The following FRK variants were observed in gnomAD, a reference collection of about 807,000 sequenced individuals.
FRK encodes tyrosine-protein kinase FRK.
A neutral mutation model predicts 56.4 loss-of-function variants in FRK; 51 were observed. The ratio of observed to expected loss-of-function variants is 0.90; its 90% CI spans 0.72 to 1.14. The LOEUF (loss-of-function observed/expected upper bound fraction) is 1.14, where lower values mean the gene tolerates loss of function less well. Ranked by LOEUF, FRK falls within the 50% of genes most tolerant of loss-of-function variation. The pLI is 0.00. For missense variants in FRK, 570 were observed against 601.4 expected (o/e 0.95, Z 0.55); for synonymous variants, 245 against 217.9 (o/e 1.12, Z -1.10).
chr6:115,951,962 T>C (rs1772772414), intron 5 of FRK, among the ~76,000 whole-genome samples: 1 of 152,206 alleles, frequency 6.6e-6, no homozygotes, highest in African/African-American at 2.4e-5. Flanking sequence ...TCAAGGTTTT[T>C]TGGCTGCATA....
chr6:115,943,402 A>G (rs893022961), intron 6 of FRK, among the ~76,000 whole-genome samples: 1 of 151,048 alleles, frequency 6.6e-6, no homozygotes, highest in Non-Finnish European at 1.5e-5. Context: ...AGAGCCTACT[A>G]TGTGCCAAGA....
the FRK span, among the ~76,000 whole-genome samples, chr6:116,085,224 GT>G: frequency 6.6e-6 from 1 of 152,298 alleles, no homozygotes; most frequent in Non-Finnish European, 1.5e-5. Flanking sequence ...AATGGGAAGT[GT>G]GGGGAGTTGA....
At chr6:116,023,197 A>T (rs75482103) in intron 1 of FRK, among the ~76,000 whole-genome samples, 9,096 of 152,268 alleles carry the variant, frequency 0.06, 409 homozygotes, top group Admixed American at 0.14. Flanking sequence ...TGTAAAGTCA[A>T]AATAGTACAA....
intron 2 of FRK, among the ~76,000 whole-genome samples, chr6:115,983,106 G>T (rs1386945922): frequency 6.6e-6 from 1 of 151,806 alleles, no homozygotes; most frequent in African/African-American, 2.4e-5. Context: ...TTTGTATTGA[G>T]CACCTGACCT....
rs1050728093 is a variant in FRK at position 115,940,289 on chromosome 6, GA to G, written c.*2124del. Reference sequence around the variant, plus strand: ...ACTAGCTAGCCATATGCAGAAAACTGAAACTGGACCCCTTCCTTACACCTAT... The same window carrying G: ...ACTAGCTAGCCATATGCAGAAAACTGAACTGGACCCCTTCCTTACACCTAT... On this transcript the variant is annotated 3_prime_UTR_variant, in exon 8 of 8. Coordinates refer to ENST00000606080, the MANE Select transcript of FRK (RefSeq NM_002031.3). 2.0e-5 allele frequency: 3 copies of G among 152,142 alleles called. No individual in the cohort carries two copies. Among genetic ancestry groups the G allele is most frequent in the African/African-American group, 7.2e-5 (3 of 41,414 alleles). 9.4% of individuals were successfully genotyped at this position (152,142 alleles called of 1,614,324 possible).
At chr6:116,038,974 T>G in intron 1 of FRK, 1 of 702,572 alleles carries the variant, frequency 1.4e-6, no homozygotes, top group Non-Finnish European at 2.7e-6. Flanking sequence ...AACGGGGCCT[T>G]TACTTGGGAG....
chr6:116,022,534 TGAAAAA>T (rs1775911122), intron 1 of FRK, among the ~76,000 whole-genome samples: 1 of 152,076 alleles, frequency 6.6e-6, no homozygotes, highest in Non-Finnish European at 1.5e-5. Context: ...GTTGATGAAT[TGAAAAA>T]GAAAAACTAT....
intron 2 of FRK, among the ~76,000 whole-genome samples, chr6:115,996,418 A>G (rs1273868812): frequency 6.6e-6 from 1 of 152,152 alleles, no homozygotes; most frequent in East Asian, 1.9e-4. Flanking sequence ...AAGTGAGTTT[A>G]GGACGAACTC....
upstream of FRK, among the ~76,000 whole-genome samples, chr6:116,065,624 T>C (rs1777747834): frequency 1.3e-5 from 2 of 152,228 alleles, no homozygotes; most frequent in Non-Finnish European, 2.9e-5. Context: ...GTCTCTGTCT[T>C]TATTAATTCT....
intron 4 of FRK, 124 bp from the exon 5 acceptor site, chr6:115,956,734 A>G: frequency 2.9e-6 from 2 of 691,714 alleles, no homozygotes; most frequent in Non-Finnish European, 4.5e-6. Flanking sequence ...CAGTATCACA[A>G]ATCTTCAGAG....
At chr6:116,022,266 C>A (rs1775898635) in intron 1 of FRK, among the ~76,000 whole-genome samples, 1 of 152,044 alleles carries the variant, frequency 6.6e-6, no homozygotes, top group Admixed American at 6.5e-5. Context: ...GTCAGTTTTA[C>A]ACATAAACTC....
At position 115,980,117 on chromosome 6, in the gene FRK, A is replaced by G. The variant is rs144263174; in HGVS notation, c.467-11378T>C. ...AATATATTGCAAAGAACTGACTCTT[A>G]TAATGTCCATTAAGACGGACCAGTT... On this transcript the variant is annotated intron_variant, in intron 2 of 7. Coordinates refer to ENST00000606080, the MANE Select transcript of FRK (RefSeq NM_002031.3). 2.0e-3 allele frequency among the ~76,000 whole-genome samples: 304 copies of G among 152,290 alleles called. 3 individuals carry two copies. Among genetic ancestry groups the G allele is most frequent in the African/African-American group, 6.6e-3 (275 of 41,564 alleles).
intron 1 of FRK, among the ~76,000 whole-genome samples, chr6:116,047,031 A>G (rs1432194759): frequency 6.6e-6 from 1 of 150,610 alleles, no homozygotes; most frequent in East Asian, 1.9e-4. Context: ...TTACATATAT[A>G]TATGTATGTA....
chr6:115,966,376 C>T (rs1458937372), intron 4 of FRK, among the ~76,000 whole-genome samples: 12 of 152,200 alleles, frequency 7.9e-5, no homozygotes, highest in Non-Finnish European at 5.9e-5. Context: ...GAATGTTGTT[C>T]TAAAGTTGAA....
intron 4 of FRK, among the ~76,000 whole-genome samples, chr6:115,966,543 C>A (rs894557957): frequency 6.6e-6 from 1 of 152,140 alleles, no homozygotes; most frequent in African/African-American, 2.4e-5. Context: ...TGCTGCTAGC[C>A]AACAAATCCC....
chr6:115,938,142 G>A lies in FRK; in HGVS notation c.*4272C>T, dbSNP rs1056171719. ...AACAAACAGTCTCTAAGACCACAGT[G>A]CAATCAAATTAGAACTCAGGATTAA... On this transcript the variant is annotated 3_prime_UTR_variant, in exon 8 of 8. Coordinates refer to ENST00000606080, the MANE Select transcript of FRK (RefSeq NM_002031.3). The A allele has an allele frequency of 1.3e-5, 2 of 152,150 alleles. No homozygotes were observed. Among genetic ancestry groups the A allele is most frequent in the Non-Finnish European group, 2.9e-5 (2 of 68,034 alleles). 9.4% of individuals were successfully genotyped at this position (152,150 alleles called of 1,614,324 possible). A position where few individuals can be genotyped will look rare whatever the true frequency, so the allele number is the denominator to read the frequency against.
the FRK span, among the ~76,000 whole-genome samples, chr6:116,080,819 C>A: frequency 6.6e-6 from 1 of 152,024 alleles, no homozygotes; most frequent in Non-Finnish European, 1.5e-5. Flanking sequence ...TATTGTTTGC[C>A]CTTGATTGAC....
the FRK span, among the ~76,000 whole-genome samples, chr6:116,085,730 G>C: frequency 6.6e-6 from 1 of 152,180 alleles, no homozygotes; most frequent in Admixed American, 6.5e-5. Context: ...GTGTGTGTGT[G>C]TGCATGCCAC....
chr6:116,055,827 C>CAATA (rs1375535758), intron 1 of FRK, among the ~76,000 whole-genome samples: 4 of 152,124 alleles, frequency 2.6e-5, no homozygotes, highest in African/African-American at 9.7e-5. Context: ...GCTTAATAAA[C>CAATA]AATAAACTTT....
Sources: allele counts gnomAD v4.1 joint callset (sites outside exome capture counted in the v4.1 genomes callset), GRCh38; gene constraint gnomAD v4.1.1; transcripts MANE v1.5; gene names NCBI Gene and HGNC (gene_info 2026-07-23, HGNC 2026-07-21).